CEP112: variants seen among roughly 807,000 people sequenced by gnomAD.
The protein encoded by CEP112 is centrosomal protein 112, also known as centrosomal protein of 112 kDa.
A neutral mutation model predicts 153.0 loss-of-function variants in CEP112; 127 were observed. The observed-to-expected ratio is 0.83, with a 90% CI of 0.72 to 0.96. The LOEUF is 0.96. Among genes scored for constraint, CEP112 ranks in the 40% least tolerant of loss-of-function variants. The pLI is 0.00. For missense variants in CEP112, 1,089 were observed against 1,101.2 expected, an observed-to-expected ratio of 0.99 and a Z score of 0.16; for synonymous variants, 358 against 374.4, an observed-to-expected ratio of 0.96 and a Z score of 0.51.
intron 21 of CEP112, among the ~76,000 whole-genome samples, chr17:65,807,004 T>C (rs1598639518): frequency 6.6e-6 from 1 of 152,166 alleles, no homozygotes; most frequent in South Asian, 2.1e-4. Context: ...GTGGGAACGT[T>C]TGGAACCTCA....
intron 23 of CEP112, among the ~76,000 whole-genome samples, chr17:65,700,301 A>C (rs1320644334): frequency 1.3e-5 from 2 of 152,192 alleles, no homozygotes; most frequent in African/African-American, 2.4e-5. Flanking sequence ...CATCTAATCT[A>C]ATGTGTACGG....
Position 65,673,294 on chromosome 17 carries a change from G to A in CEP112, c.2697+15835C>T, listed in dbSNP as rs1041586952. 7.9e-5 allele frequency among the ~76,000 whole-genome samples: 12 copies of A among 152,028 alleles called. No homozygotes were observed. The South Asian group carries it at 8.3e-4, about 11-fold the overall frequency. ...TCTCCCTCTTTAAAGTGGCAATGGC[G>A]CAATGGTTCTTAGGCTTCAAATCTC... On this transcript the variant is annotated intron_variant, in intron 24 of 26. Transcript: ENST00000535342.
intron 6 of CEP112, among the ~76,000 whole-genome samples, chr17:66,105,291 A>G (rs2068737213): frequency 6.6e-6 from 1 of 152,196 alleles, no homozygotes. Context: ...AAATGCACAA[A>G]AAATAAAAAC....
intron 21 of CEP112, among the ~76,000 whole-genome samples, chr17:65,832,808 A>G (rs548782518): frequency 3.2e-4 from 49 of 152,230 alleles, no homozygotes; most frequent in African/African-American, 1.1e-3. Context: ...TACTGAAACT[A>G]TTTCAAAAAA....
chr17:65,709,524 C>A (rs1200946968), intron 23 of CEP112, among the ~76,000 whole-genome samples: 1 of 152,138 alleles, frequency 6.6e-6, no homozygotes, highest in African/African-American at 2.4e-5. Flanking sequence ...CCATGAGAAC[C>A]GTATGGGGGA....
chr17:65,899,794 A>G (rs1183680962), intron 20 of CEP112, among the ~76,000 whole-genome samples: 2 of 152,248 alleles, frequency 1.3e-5, no homozygotes, highest in African/African-American at 4.8e-5. Context: ...CTCCATTGCT[A>G]AACTAGAATA....
intron 21 of CEP112, among the ~76,000 whole-genome samples, chr17:65,794,696 T>C (rs988976509): frequency 9.9e-5 from 15 of 152,220 alleles, no homozygotes; most frequent in Admixed American, 3.3e-4. Context: ...CCTCTGTAGG[T>C]TGATGGACGG....
chr17:65,925,949 G>C (rs2060905966), intron 19 of CEP112, among the ~76,000 whole-genome samples: 1 of 152,138 alleles, frequency 6.6e-6, no homozygotes, highest in African/African-American at 2.4e-5. Context: ...TGAGGTTTAG[G>C]ATCATGTTTA....
chr17:66,125,214 C>T (rs1047476128), intron 6 of CEP112, among the ~76,000 whole-genome samples: 1 of 152,212 alleles, frequency 6.6e-6, no homozygotes, highest in Non-Finnish European at 1.5e-5. Context: ...ATGTAAACCA[C>T]TCTCATAACT....
intron 23 of CEP112, among the ~76,000 whole-genome samples, chr17:65,719,153 G>A (rs1283621438): frequency 2.0e-5 from 3 of 152,344 alleles, no homozygotes; most frequent in Admixed American, 6.5e-5. Flanking sequence ...CACTAGGCAC[G>A]GGGCTCTGCT....
intron 21 of CEP112, among the ~76,000 whole-genome samples, chr17:65,827,791 C>T (rs1441579784): frequency 6.6e-6 from 1 of 152,174 alleles, no homozygotes; most frequent in African/African-American, 2.4e-5. Context: ...CAGCCATGCT[C>T]TTGCATTAGG....
intron 12 of CEP112, among the ~76,000 whole-genome samples, chr17:66,033,994 A>C (rs1430961984): frequency 6.6e-6 from 1 of 152,132 alleles, no homozygotes; most frequent in Non-Finnish European, 1.5e-5. Context: ...AGGATGTGAG[A>C]CCCACTTACA....
Position 65,798,015 on chromosome 17 carries a change from C to T in CEP112, c.2395-47291G>A, listed in dbSNP as rs558819366. Among the ~76,000 whole-genome samples, 11 of 152,174 alleles carry T rather than the reference C, an allele frequency of 7.2e-5. No homozygotes were observed. The South Asian group carries it at 1.0e-3, about 14-fold the overall frequency. On this transcript the variant is annotated intron_variant, in intron 21 of 26. Coordinates refer to ENST00000535342, the MANE Select transcript of CEP112 (RefSeq NM_001199165.4). ...AGATGCTGGCATCTTACTTGCATAG[C>T]GCCCCCTGGAGATGACTGGGTGGTA...
At chr17:65,740,280 A>G (rs1258647307) in intron 23 of CEP112, among the ~76,000 whole-genome samples, 1 of 152,226 alleles carries the variant, frequency 6.6e-6, no homozygotes, top group Non-Finnish European at 1.5e-5. Flanking sequence ...TACCTGTCAC[A>G]TAAGAGGAGC....
At chr17:66,111,012 G>A (rs937303859) in intron 6 of CEP112, among the ~76,000 whole-genome samples, 1 of 151,876 alleles carries the variant, frequency 6.6e-6, no homozygotes, top group African/African-American at 2.4e-5. Context: ...AAATTTACAA[G>A]ATAAAAACAA....
At chr17:65,965,119 G>C (rs1271276734) in intron 17 of CEP112, among the ~76,000 whole-genome samples, 5 of 152,086 alleles carry the variant, frequency 3.3e-5, no homozygotes, top group Non-Finnish European at 7.4e-5. Context: ...TTAATAGGAT[G>C]AATCTTTTTC....
At chr17:65,677,641 G>A (rs903924772) in intron 24 of CEP112, among the ~76,000 whole-genome samples, 10 of 152,168 alleles carry the variant, frequency 6.6e-5, no homozygotes, top group Admixed American at 2.6e-4. Flanking sequence ...GGCTGGGTGT[G>A]GTGGTTCACG....
intron 18 of CEP112, among the ~76,000 whole-genome samples, chr17:65,953,179 A>G (rs528662679): frequency 1.3e-5 from 2 of 152,284 alleles, no homozygotes; most frequent in African/African-American, 4.8e-5. Context: ...CATTGTGGTA[A>G]GAAATATGTG....
chr17:66,024,604 G>A (rs1199336236), intron 16 of CEP112, among the ~76,000 whole-genome samples: 1 of 151,446 alleles, frequency 6.6e-6, no homozygotes, highest in Admixed American at 6.6e-5. Context: ...TAACCAAGGA[G>A]GTAAAAGGAA....
Sources: allele counts gnomAD v4.1 joint callset (sites outside exome capture counted in the v4.1 genomes callset), GRCh38; gene constraint gnomAD v4.1.1; transcripts MANE v1.5; gene names NCBI Gene and HGNC (gene_info 2026-07-23, HGNC 2026-07-21).